The following ZNRF2 variants were observed in gnomAD, a reference collection of about 807,000 sequenced individuals.
The protein encoded by ZNRF2 is zinc and ring finger 2, also known as E3 ubiquitin-protein ligase ZNRF2.
Under a neutral mutation model 20.4 loss-of-function variants are expected in ZNRF2, and 16 were observed. The ratio of observed to expected loss-of-function variants is 0.79; its 90% CI spans 0.53 to 1.19. The LOEUF is 1.19. Ranked by LOEUF, ZNRF2 falls within the 50% of genes most tolerant of loss-of-function variation. The probability of loss-of-function intolerance (pLI) is 0.00; values close to 1 mark genes in which losing one functional copy is unlikely to be tolerated. For synonymous variants in ZNRF2, 178 were observed against 144.9 expected (o/e 1.23, Z -1.64); for missense variants, 363 against 332.4 (o/e 1.09, Z -0.72).
chr7:30,363,687 T>C (rs573016497), intron 4 of ZNRF2, among the ~76,000 whole-genome samples: 160 of 152,308 alleles, frequency 1.1e-3, no homozygotes, highest in African/African-American at 3.6e-3. Flanking sequence ...ATTTAAGTTT[T>C]TCATGGTTCT....
chr7:30,339,651 G>T (rs984496764), intron 2 of ZNRF2, among the ~76,000 whole-genome samples: 6 of 152,294 alleles, frequency 3.9e-5, no homozygotes, highest in African/African-American at 1.4e-4. Flanking sequence ...GTACTATGCT[G>T]CTTTGGTTAC....
chr7:30,313,655 A>G (rs1799323828), intron 1 of ZNRF2, among the ~76,000 whole-genome samples: 1 of 152,118 alleles, frequency 6.6e-6, no homozygotes. Flanking sequence ...TCAGATTTCT[A>G]GAATTGCCCC....
At chr7:30,356,617 T>A (rs1800042649) in intron 3 of ZNRF2, among the ~76,000 whole-genome samples, 1 of 151,252 alleles carries the variant, frequency 6.6e-6, no homozygotes, top group Non-Finnish European at 1.5e-5. Context: ...GCTAAACTAG[T>A]ATTAGACAAA....
Position 30,285,544 on chromosome 7 carries a change from G to C in ZNRF2, c.187G>C (p.Gly63Arg), listed in dbSNP as rs1798761632. 5 of 979,168 alleles carry C rather than the reference G, an allele frequency of 5.1e-6. No individual in the cohort carries two copies. The highest frequency in any genetic ancestry group is 6.0e-6 in the Non-Finnish European group (5 of 828,234). The allele number at this position is 979,168 out of a possible 1,614,324, so 60.7% of individuals were successfully genotyped here. A position where few individuals can be genotyped will look rare whatever the true frequency, so the allele number is the denominator to read the frequency against. Residue 63 changes from glycine (G) to arginine (R), a missense_variant, in exon 1 of 5, where the codon GGC becomes CGC. Coordinates refer to ENST00000323037, the MANE Select transcript of ZNRF2 (RefSeq NM_147128.4). ...VPSAHQPSAS[G>R]GAAAAAAAPA... ...CAGCGCGCACCAGCCCAGCGCCTCC[G>C]GCGGCGCCGCGGCGGCCGCGGCGGC...
At chr7:30,363,195 T>C (rs1178861415) in intron 4 of ZNRF2, among the ~76,000 whole-genome samples, 1 of 152,148 alleles carries the variant, frequency 6.6e-6, no homozygotes, top group Non-Finnish European at 1.5e-5. Flanking sequence ...ATCATGCCAC[T>C]GCACTCCAGC....
chr7:30,327,246 C>G (rs1799566753), intron 2 of ZNRF2, among the ~76,000 whole-genome samples: 2 of 152,018 alleles, frequency 1.3e-5, no homozygotes, highest in South Asian at 4.1e-4. Context: ...AGTTGTCTTC[C>G]AGGGTTTTTA....
At chr7:30,335,524 G>A (rs1441669052) in intron 2 of ZNRF2, among the ~76,000 whole-genome samples, 1 of 151,918 alleles carries the variant, frequency 6.6e-6, no homozygotes, top group Non-Finnish European at 1.5e-5. Flanking sequence ...ACATCTGTCC[G>A]CAGTTTTACC....
intron 2 of ZNRF2, among the ~76,000 whole-genome samples, chr7:30,330,404 G>A (rs543270917): frequency 6.6e-6 from 1 of 152,238 alleles, no homozygotes; most frequent in Non-Finnish European, 1.5e-5. Flanking sequence ...AATTTGTTCT[G>A]TAATAAAAAT....
At chr7:30,352,349 T>G (rs767301338) in intron 2 of ZNRF2, among the ~76,000 whole-genome samples, 2 of 152,028 alleles carry the variant, frequency 1.3e-5, no homozygotes, top group Non-Finnish European at 2.9e-5. Flanking sequence ...TTTTGGTATA[T>G]GTTGAAAATG....
intron 1 of ZNRF2, among the ~76,000 whole-genome samples, chr7:30,304,839 T>G (rs1799174780): frequency 6.6e-6 from 1 of 152,004 alleles, no homozygotes; most frequent in African/African-American, 2.4e-5. Context: ...CTAGGGTGAG[T>G]TAAAAAGGGA....
At chr7:30,298,138 GT>G (rs1002829946) in intron 1 of ZNRF2, among the ~76,000 whole-genome samples, 11 of 151,730 alleles carry the variant, frequency 7.2e-5, no homozygotes, top group African/African-American at 2.2e-4. Flanking sequence ...TTTAAAAATA[GT>G]TTTTTTTCAT....
rs77520275 is a variant in ZNRF2, at chr7:30,301,806, A to G, written c.469+15980A>G. On this transcript the variant is annotated intron_variant, in intron 1 of 4. Transcript: ENST00000323037. The stretch of plus-strand genomic sequence containing the variant: ...TCTCCGAAAAGGTAATTAAATGTAT[A>G]ATATAAGAACAGACAATTAGGTCAG... Among the ~76,000 whole-genome samples, 892 of 152,228 alleles carry G rather than the reference A, an allele frequency of 5.9e-3. 26 individuals carry two copies. In the East Asian group the frequency reaches 0.073, roughly 13 times the overall value.
chr7:30,361,057 G>C (rs561123918), intron 3 of ZNRF2, among the ~76,000 whole-genome samples: 22 of 152,326 alleles, frequency 1.4e-4, no homozygotes, highest in African/African-American at 5.3e-4. Context: ...ACTTTCTCAT[G>C]ATGAGCCAGA....
Position 30,360,661 on chromosome 7 carries a change from C to T in ZNRF2, c.672-1716C>T, listed in dbSNP as rs1464091831. Reference sequence around the variant, plus strand: ...AGTGAATTGAGATGTTGCCACTGCACTTCAGGCTGGGCGACAGAGCAAGAC... The same window carrying T: ...AGTGAATTGAGATGTTGCCACTGCATTTCAGGCTGGGCGACAGAGCAAGAC... On this transcript the variant is annotated intron_variant, in intron 3 of 4. Coordinates refer to ENST00000323037, the MANE Select transcript of ZNRF2 (RefSeq NM_147128.4). Among the ~76,000 whole-genome samples the T allele has an allele frequency of 3.9e-5, 6 of 152,144 alleles. No individual in the cohort carries two copies. The East Asian group carries it at 1.2e-3, about 29-fold the overall frequency.
intron 2 of ZNRF2, among the ~76,000 whole-genome samples, chr7:30,332,067 T>C (rs1192322182): frequency 2.0e-5 from 3 of 152,194 alleles, no homozygotes; most frequent in Non-Finnish European, 4.4e-5. Flanking sequence ...TTTAAATTGT[T>C]ACAAAGTATA....
At chr7:30,292,041 C>A (rs1414292427) in intron 1 of ZNRF2, among the ~76,000 whole-genome samples, 1 of 152,006 alleles carries the variant, frequency 6.6e-6, no homozygotes, top group South Asian at 2.1e-4. Flanking sequence ...ATTTTACCAC[C>A]AGAAATAACT....
intron 3 of ZNRF2, among the ~76,000 whole-genome samples, chr7:30,362,038 G>T (rs1341449864): frequency 6.6e-6 from 1 of 152,136 alleles, no homozygotes; most frequent in Admixed American, 6.6e-5. Context: ...GGTTGATAAT[G>T]TGCATAAATG....
chr7:30,293,622 C>T (rs1798952802), intron 1 of ZNRF2, among the ~76,000 whole-genome samples: 1 of 152,144 alleles, frequency 6.6e-6, no homozygotes, highest in Non-Finnish European at 1.5e-5. Context: ...ATCTTTATTG[C>T]CAAATTGCTC....
chr7:30,350,265 C>T (rs529828344), intron 2 of ZNRF2, among the ~76,000 whole-genome samples: 1 of 151,898 alleles, frequency 6.6e-6, no homozygotes, highest in African/African-American at 2.4e-5. Context: ...CAGAATATTC[C>T]CAAGAGTATA....
Sources: gnomAD v4.1 joint callset for allele counts (sites outside exome capture counted in the v4.1 genomes callset) on GRCh38, gnomAD v4.1.1 for gene constraint, MANE v1.5 for transcripts, NCBI Gene and HGNC (gene_info 2026-07-23, HGNC 2026-07-21) for gene names.